Variants in SPRED2 observed in about 807,000 individuals in gnomAD.
SPRED2 encodes the protein sprouty related EVH1 domain containing 2.
In SPRED2, 47 loss-of-function variants were observed where a neutral mutation model predicts 43.0. The observed-to-expected ratio is 1.09, with a 90% CI of 0.87 to 1.40. The LOEUF (loss-of-function observed/expected upper bound fraction) is 1.40, where lower values mean the gene tolerates loss of function less well. Ranked by LOEUF, SPRED2 falls within the 40% of genes most tolerant of loss-of-function variation. SPRED2 has a pLI of 0.00. For synonymous variants in SPRED2, 225 were observed against 225.7 expected (o/e 1.00, Z 0.03); for missense variants, 561 against 586.4 (o/e 0.96, Z 0.45).
Position 65,314,089 on chromosome 2 carries a change from G to T in SPRED2, c.669C>A (p.Ile223=), listed in dbSNP as rs779041896. The change falls in exon 6 of 6, where the codon ATC becomes ATA. Residue 223 remains isoleucine, a synonymous_variant. Coordinates refer to ENST00000356388, the MANE Select transcript of SPRED2 (RefSeq NM_181784.3). ...EIVRINPREK[I]WMTGYEDYRH... ...GGTAATCCTCGTACCCCGTCATCCA[G>T]ATCTTCTCCCGGGGGTTGATGCGCA... 6.2e-7 allele frequency: 1 copy of T among 1,613,756 alleles called. No homozygotes were observed. The highest frequency in any genetic ancestry group is 8.5e-7 in the Non-Finnish European group (1 of 1,179,772).
intron 4 of SPRED2, among the ~76,000 whole-genome samples, chr2:65,324,681 C>T (rs1303815379): frequency 6.6e-6 from 1 of 152,114 alleles, no homozygotes; most frequent in Non-Finnish European, 1.5e-5. Flanking sequence ...TGTAGAAGGC[C>T]ACCTCTCTGA....
downstream of SPRED2, among the ~76,000 whole-genome samples, chr2:65,309,973 C>A (rs1322753207): frequency 2.0e-5 from 3 of 152,154 alleles, no homozygotes; most frequent in Non-Finnish European, 4.4e-5. Flanking sequence ...CCTCCTGGGA[C>A]CGCAGTTTAC....
At chr2:65,329,916 C>T (rs917663504) in intron 4 of SPRED2, among the ~76,000 whole-genome samples, 1 of 152,176 alleles carries the variant, frequency 6.6e-6, no homozygotes, top group Non-Finnish European at 1.5e-5. Flanking sequence ...CCCCTCTGCA[C>T]ACTCAGTTCA....
downstream of SPRED2, among the ~76,000 whole-genome samples, chr2:65,307,183 T>C (rs775838208): frequency 6.6e-6 from 1 of 152,166 alleles, no homozygotes; most frequent in Non-Finnish European, 1.5e-5. Context: ...TATTTTTATA[T>C]TATATGACAT....
chr2:65,324,465 C>T (rs1369817610), intron 4 of SPRED2, among the ~76,000 whole-genome samples: 1 of 152,092 alleles, frequency 6.6e-6, no homozygotes, highest in Non-Finnish European at 1.5e-5. Context: ...AATGGAGAAA[C>T]GAGACTAACA....
intron 4 of SPRED2, among the ~76,000 whole-genome samples, chr2:65,325,945 T>C (rs564324774): frequency 1.2e-4 from 18 of 151,432 alleles, no homozygotes; most frequent in Non-Finnish European, 2.1e-4. Context: ...ATTGTGCCAC[T>C]GCACTCCAGC....
intron 2 of SPRED2, among the ~76,000 whole-genome samples, chr2:65,342,804 TAA>T (rs1674233513): frequency 6.6e-6 from 1 of 152,098 alleles, no homozygotes; most frequent in African/African-American, 2.4e-5. Flanking sequence ...GCAAAATAAA[TAA>T]GATACACAAC....
chr2:65,386,285 C>CAAAAA lies in SPRED2; in HGVS notation c.27-41394_27-41390dup, dbSNP rs761665293. ...GGGCGACAAGAGTGAGACTCTGTCT[C>CAAAAA]AAAAAAAAAAAAAAAAAAAGAAAGC... On this transcript the variant is annotated intron_variant, in intron 1 of 5. Coordinates refer to ENST00000356388, the MANE Select transcript of SPRED2 (RefSeq NM_181784.3). 3.6e-4 allele frequency among the ~76,000 whole-genome samples: 20 copies of CAAAAA among 55,478 alleles called. 4 individuals carry two copies. The highest frequency in any genetic ancestry group is 4.7e-4 in the African/African-American group (5 of 10,632). 36.4% of individuals were successfully genotyped at this position (55,478 alleles called of 152,430 possible).
chr2:65,313,350 G>A lies in SPRED2; in HGVS notation c.*151C>T. 3 of 1,485,980 alleles carry A rather than the reference G, an allele frequency of 2.0e-6. No individual in the cohort carries two copies. The highest frequency in any genetic ancestry group is 8.9e-7 in the Non-Finnish European group (1 of 1,127,448). 92.0% of individuals were successfully genotyped at this position (1,485,980 alleles called of 1,614,324 possible). A position where few individuals can be genotyped will look rare whatever the true frequency, so the allele number is the denominator to read the frequency against. ...GAGAGTCTACCCGGCAGCGTCCCTGGCTGGAATGGTGCCTCGAGGTACCAG... is the reference window on the plus strand; with the variant it reads ...GAGAGTCTACCCGGCAGCGTCCCTGACTGGAATGGTGCCTCGAGGTACCAG... On this transcript the variant is annotated 3_prime_UTR_variant, in exon 6 of 6. Coordinates refer to ENST00000356388, the MANE Select transcript of SPRED2 (RefSeq NM_181784.3).
At chr2:65,419,128 G>A (rs1676358734) in intron 1 of SPRED2, among the ~76,000 whole-genome samples, 4 of 152,094 alleles carry the variant, frequency 2.6e-5, no homozygotes, top group Non-Finnish European at 5.9e-5. Context: ...TGGCAAGCAG[G>A]TACCTATCTG....
Position 65,314,091 on chromosome 2 carries a change from T to G in SPRED2, c.667A>C (p.Ile223Leu). ...EIVRINPREK[I>L]WMTGYEDYRH... ...TAATCCTCGTACCCCGTCATCCAGA[T>G]CTTCTCCCGGGGGTTGATGCGCACG... is the stretch of plus-strand genomic sequence containing the variant. Residue 223 changes from isoleucine (I) to leucine (L), a missense_variant, in exon 6 of 6, where the codon ATC (isoleucine) becomes CTC (leucine). Around this residue, in one of 6 missense-constraint regions of SPRED2, gnomAD observed 15 missense variants for 35.4 expected, o/e 0.42. Transcript: ENST00000356388. 1 of 1,613,814 alleles carries G rather than the reference T, an allele frequency of 6.2e-7. No homozygotes were observed. Among genetic ancestry groups the G allele is most frequent in the Non-Finnish European group, 8.5e-7 (1 of 1,179,728 alleles).
At chr2:65,366,487 G>T in intron 1 of SPRED2, 1 of 1,220,620 alleles carries the variant, frequency 8.2e-7, no homozygotes, top group Non-Finnish European at 1.2e-6. Flanking sequence ...CTACAACTAG[G>T]ATAAATTTTC....
At chr2:65,331,927 A>G in intron 4 of SPRED2, 60 bp downstream of exon 4, 1 of 1,392,400 alleles carries the variant, frequency 7.2e-7, no homozygotes, top group Admixed American at 1.9e-5. Flanking sequence ...GCCCTTAAAC[A>G]AAACCTTTCT....
chr2:65,416,099 T>C (rs1209825067), intron 1 of SPRED2, among the ~76,000 whole-genome samples: 1 of 152,204 alleles, frequency 6.6e-6, no homozygotes, highest in East Asian at 1.9e-4. Flanking sequence ...CCCTTCTAAA[T>C]CCCGGATTAG....
chr2:65,431,149 C>T (rs2103828706), intron 1 of SPRED2, among the ~76,000 whole-genome samples: 1 of 152,086 alleles, frequency 6.6e-6, no homozygotes, highest in Non-Finnish European at 1.5e-5. Flanking sequence ...GCGCCCCGAG[C>T]ATTGTTCCCC....
rs961628376 is a variant in SPRED2, at chr2:65,432,096, A to AG, written c.-110dup. The AG allele has an allele frequency of 1.7e-4, 243 of 1,438,160 alleles. No individual in the cohort carries two copies. The East Asian group carries it at 4.0e-3, about 24-fold the overall frequency. 89.1% of individuals were successfully genotyped at this position (1,438,160 alleles called of 1,614,324 possible). A position where few individuals can be genotyped will look rare whatever the true frequency, so the allele number is the denominator to read the frequency against. On this transcript the variant is annotated 5_prime_UTR_variant, in exon 1 of 6. Transcript: ENST00000356388. ...TCTCCGGAGATCGCCTGATTTGGGG[A>AG]GGGGGGGCGGCTAGAGATGAAGAGG...
chr2:65,333,259 C>CAAAAAAA (rs200576180), intron 3 of SPRED2, among the ~76,000 whole-genome samples: 1 of 93,624 alleles, frequency 1.1e-5, no homozygotes. Flanking sequence ...GACTCCATCT[C>CAAAAAAA]AAAAAAAAAA....
At chr2:65,368,834 C>A (rs887146247) in intron 1 of SPRED2, among the ~76,000 whole-genome samples, 1 of 152,118 alleles carries the variant, frequency 6.6e-6, no homozygotes, top group Admixed American at 6.5e-5. Flanking sequence ...GTAATCCCAA[C>A]ACTTTGGGAG....
chr2:65,431,590 A>C (rs1022383890), intron 1 of SPRED2, among the ~76,000 whole-genome samples: 89 of 152,156 alleles, frequency 5.8e-4, no homozygotes, highest in Non-Finnish European at 1.1e-3. Context: ...CTGTGCAAAA[A>C]CCCACCAGCC....
Sources: gnomAD v4.1 joint callset for allele counts (sites outside exome capture counted in the v4.1 genomes callset) on GRCh38, gnomAD v4.1.1 for gene constraint, gnomAD v4.1.1 regional missense constraint, MANE v1.5 for transcripts, NCBI Gene and HGNC (gene_info 2026-07-23, HGNC 2026-07-21) for gene names.